The following MSANTD1 variants were observed in gnomAD, a reference collection of about 807,000 sequenced individuals.
MSANTD1 encodes Myb/SANT DNA binding domain containing 1.
Under a neutral mutation model 24.2 loss-of-function variants are expected in MSANTD1, and 7 were observed. The observed-to-expected ratio is 0.29, with a 90% CI of 0.16 to 0.54. MSANTD1 has a LOEUF of 0.54. MSANTD1 is among the 20% of genes least tolerant of loss of function. The pLI is 0.94. For synonymous variants in MSANTD1, 177 were observed against 181.1 expected (o/e 0.98, Z 0.18); for missense variants, 384 against 408.2 (o/e 0.94, Z 0.51).
At chr4:3,252,441 C>G (rs1175006767) in intron 1 of MSANTD1, among the ~76,000 whole-genome samples, 2 of 152,252 alleles carry the variant, frequency 1.3e-5, no homozygotes, top group Non-Finnish European at 2.9e-5. Context: ...CCGGCCCACC[C>G]CAGGGCCTCT....
upstream of MSANTD1, chr4:3,244,430 C>G (rs1245835888): frequency 6.6e-6 from 1 of 152,360 alleles, no homozygotes; most frequent in African/African-American, 2.4e-5. Context: ...GCCATTGACA[C>G]CTGCGTCCCT....
chr4:3,253,126 C>T (rs1188549382), intron 1 of MSANTD1, 81 bp from the exon 2 acceptor site: 36 of 1,376,448 alleles, frequency 2.6e-5, no homozygotes, highest in East Asian at 5.4e-5. Flanking sequence ...CGGCGTGGCG[C>T]GCCCCTCTGC....
chr4:3,248,800 G>A (rs759694449), upstream of MSANTD1: 29 of 161,860 alleles, frequency 1.8e-4, no homozygotes, highest in Non-Finnish European at 2.8e-4. Flanking sequence ...AGTGGCCAGC[G>A]TTGGGGGACT....
At chr4:3,250,457 G>A (rs1293793975) in intron 1 of MSANTD1, among the ~76,000 whole-genome samples, 1 of 152,216 alleles carries the variant, frequency 6.6e-6, no homozygotes, top group African/African-American at 2.4e-5. Context: ...TCATGGTGGG[G>A]TGAAGGTCTC....
intron 1 of MSANTD1, 110 bp from the exon 2 acceptor site, chr4:3,253,097 G>A (rs542716249): frequency 2.5e-6 from 3 of 1,183,666 alleles, no homozygotes; most frequent in Non-Finnish European, 3.4e-6. Flanking sequence ...TGCCAGCCGA[G>A]AGCGGCTCCT....
At chr4:3,245,528 G>T (rs1721994049), upstream of MSANTD1, 1 of 152,326 alleles carries the variant, frequency 6.6e-6, no homozygotes, top group African/African-American at 2.4e-5. Flanking sequence ...CGTTCCTGGG[G>T]GTGTGGGGTG....
chr4:3,246,515 C>G (rs1201463590), upstream of MSANTD1: 3 of 545,842 alleles, frequency 5.5e-6, no homozygotes, highest in South Asian at 2.4e-5. Context: ...CTGAGCCCAG[C>G]AGGGCCCCGC....
upstream of MSANTD1, chr4:3,248,687 G>A (rs760799177): frequency 6.5e-6 from 1 of 153,142 alleles, no homozygotes. Context: ...CAGGACCCCA[G>A]GACCAGGACA....
intron 2 of MSANTD1, 148 bp downstream of exon 2, chr4:3,253,630 C>T (rs1349703456): frequency 6.2e-6 from 5 of 807,648 alleles, no homozygotes; most frequent in Non-Finnish European, 9.1e-6. Context: ...GGACAGGCGG[C>T]CTCAGACCAG....
intron 2 of MSANTD1, among the ~76,000 whole-genome samples, chr4:3,254,680 C>T (rs1455537513): frequency 6.6e-6 from 1 of 152,216 alleles, no homozygotes; most frequent in Non-Finnish European, 1.5e-5. Context: ...CCTACCCCAG[C>T]AGCAGAGCTC....
chr4:3,249,057 G>A (rs1285433903), upstream of MSANTD1: 2 of 551,722 alleles, frequency 3.6e-6, no homozygotes, highest in East Asian at 3.4e-5. Context: ...CAGTTAAAAG[G>A]TTTCTGTTGT....
At position 3,253,442 on chromosome 4, in the gene MSANTD1, C is replaced by G. The variant is rs754777440; in HGVS notation, c.556C>G (p.Arg186Gly). ...CSYEGRFEDD[R>G]SDSSSSLLSL... ...CTACGAAGGCCGCTTCGAGGATGAT[C>G]GCTCCGACAGCTCCTCCAGCTTACT... is the stretch of plus-strand genomic sequence containing the variant. Residue 186 changes from arginine to glycine, a missense_variant, in exon 2 of 3, where the codon CGC (arginine) becomes GGC (glycine). Transcript: ENST00000438480. The G allele has an allele frequency of 2.5e-6, 4 of 1,578,974 alleles. No individual in the cohort carries two copies. Among genetic ancestry groups the G allele is most frequent in the South Asian group, 1.2e-5 (1 of 85,844 alleles).
intron 1 of MSANTD1, 56 bp downstream of exon 1, chr4:3,249,598 G>T: frequency 1.3e-6 from 2 of 1,501,914 alleles, no homozygotes; most frequent in Non-Finnish European, 1.8e-6. Flanking sequence ...GGCGTGGCGG[G>T]CCGCTCCTGA....
At chr4:3,254,520 G>A (rs362290) in intron 2 of MSANTD1, among the ~76,000 whole-genome samples, 3,249 of 152,306 alleles carry the variant, frequency 0.021, 126 homozygotes, top group African/African-American at 0.073. Context: ...CCCAAAGCGC[G>A]GATCTCACGC....
At chr4:3,248,828 G>A (rs765312664), upstream of MSANTD1, 284 of 176,386 alleles carry the variant, frequency 1.6e-3, 4 homozygotes, top group Non-Finnish European at 4.4e-4. Flanking sequence ...CTCGTCGCTC[G>A]TCCTCTCTGT....
upstream of MSANTD1, chr4:3,248,957 C>G (rs900358799): frequency 1.0e-4 from 36 of 360,274 alleles, no homozygotes; most frequent in Admixed American, 2.3e-4. Flanking sequence ...CGGTGAGAGG[C>G]AGGGCCGGGA....
At position 3,249,229 on chromosome 4, in the gene MSANTD1, CG is replaced by C; in HGVS notation, c.8del (p.Arg3LeufsTer9). On this transcript the variant is annotated frameshift_variant, in exon 1 of 3. Coordinates refer to ENST00000438480, the MANE Select transcript of MSANTD1 (RefSeq NM_001042690.2). LOFTEE classifies it high-confidence loss of function. MV[R>X]GAGPGPSLSA... is the part of the protein sequence containing the mutation. ...TGAGCGGCGCCTCCCGCCCATGGTG[CG>C]TGGGGCCGGGCCGGGGCCCTCGCTG... 1.4e-6 allele frequency: 2 copies of C among 1,412,354 alleles called. No homozygotes were observed. Among genetic ancestry groups the C allele is most frequent in the Middle Eastern group, 4.9e-4 (2 of 4,104 alleles). The allele number at this position is 1,412,354 out of a possible 1,614,324, so 87.5% of individuals were successfully genotyped here.
chr4:3,248,906 G>A (rs1722119800), upstream of MSANTD1: 1 of 294,220 alleles, frequency 3.4e-6, no homozygotes, highest in Non-Finnish European at 6.3e-6. Context: ...GCCTGCGTGA[G>A]CCGGGGCGGC....
chr4:3,253,601 C>A, intron 2 of MSANTD1, 119 bp downstream of exon 2: 4 of 1,116,196 alleles, frequency 3.6e-6, no homozygotes, highest in East Asian at 2.8e-5. Flanking sequence ...GAGGCCGTGG[C>A]TGCGGGCAGC....
Sources: allele counts gnomAD v4.1 joint callset (sites outside exome capture counted in the v4.1 genomes callset), GRCh38; gene constraint gnomAD v4.1.1; transcripts MANE v1.5; gene names NCBI Gene and HGNC (gene_info 2026-07-23, HGNC 2026-07-21).